The following ROBO2 variants were observed in gnomAD, a reference collection of about 807,000 sequenced individuals.
The protein encoded by ROBO2 is roundabout guidance receptor 2.
A neutral mutation model predicts 160.8 loss-of-function variants in ROBO2; 53 were observed. The ratio of observed to expected loss-of-function variants is 0.33; its 90% confidence interval spans 0.26 to 0.41. The LOEUF is 0.41. ROBO2 is among the 10% of genes least tolerant of loss of function. The pLI is 1.00. For synonymous variants in ROBO2, 664 were observed against 611.7 expected, an observed-to-expected ratio of 1.09 and a Z score of -1.26; for missense variants, 1,577 against 1,722.4, an observed-to-expected ratio of 0.92 and a Z score of 1.49.
intron 2 of ROBO2, among the ~76,000 whole-genome samples, chr3:77,350,830 C>T (rs764125152): frequency 2.3e-4 from 35 of 152,084 alleles, no homozygotes; most frequent in Non-Finnish European, 4.1e-4. Flanking sequence ...ACAAGAGAGG[C>T]CCAGAAGAGG....
intron 2 of ROBO2, among the ~76,000 whole-genome samples, chr3:76,936,294 G>A (rs1033347242): frequency 2.6e-5 from 4 of 151,922 alleles, no homozygotes; most frequent in South Asian, 2.1e-4. Flanking sequence ...ATAATGTGAA[G>A]ATCTATATCA....
At chr3:77,627,083 G>T (rs2095043057) in intron 23 of ROBO2, among the ~76,000 whole-genome samples, 1 of 152,090 alleles carries the variant, frequency 6.6e-6, no homozygotes, top group South Asian at 2.1e-4. Flanking sequence ...TAATTTCTTA[G>T]ACTACTTTTA....
chr3:76,156,158 C>T (rs2106883423), intron 2 of ROBO2, among the ~76,000 whole-genome samples: 1 of 152,028 alleles, frequency 6.6e-6, no homozygotes, highest in South Asian at 2.1e-4. Flanking sequence ...TGAATCAGAA[C>T]ATCGTAAGTG....
intron 2 of ROBO2, among the ~76,000 whole-genome samples, chr3:77,007,080 T>C (rs947842416): frequency 6.6e-6 from 1 of 152,036 alleles, no homozygotes; most frequent in African/African-American, 2.4e-5. Context: ...AAGACTCTTA[T>C]GAGAGGAAAG....
intron 2 of ROBO2, among the ~76,000 whole-genome samples, chr3:76,345,729 G>C (rs931518728): frequency 6.6e-6 from 1 of 151,898 alleles, no homozygotes; most frequent in Non-Finnish European, 1.5e-5. Flanking sequence ...GACCATCACA[G>C]AACATAAAGA....
At chr3:77,171,336 G>T (rs1345940336) in intron 2 of ROBO2, among the ~76,000 whole-genome samples, 1 of 152,176 alleles carries the variant, frequency 6.6e-6, no homozygotes, top group Non-Finnish European at 1.5e-5. Context: ...TTTACCACTG[G>T]GGTAACATGC....
chr3:76,005,174 A>T (rs1333716918), intron 2 of ROBO2, among the ~76,000 whole-genome samples: 2 of 152,158 alleles, frequency 1.3e-5, no homozygotes, highest in Non-Finnish European at 2.9e-5. Flanking sequence ...CTTATATTCC[A>T]TTATAGCAGC....
intron 1 of ROBO2, among the ~76,000 whole-genome samples, chr3:75,922,666 G>A (rs1048155389): frequency 7.9e-5 from 12 of 151,836 alleles, no homozygotes; most frequent in African/African-American, 2.4e-4. Context: ...TTATTGATAC[G>A]GAGTTAATAT....
chr3:77,525,824 C>T lies in ROBO2; in HGVS notation c.934+2922C>T, dbSNP rs554977388. On this transcript the variant is annotated intron_variant, in intron 6 of 25. Transcript: ENST00000461745. ...TTTTGTCAATATCCTACACTCAAAA[C>T]GCCTTTTTGTTTCTGAAGGAAACAT... is the stretch of plus-strand genomic sequence containing the variant. 1.1e-4 allele frequency among the ~76,000 whole-genome samples: 17 copies of T among 148,822 alleles called. 1 individual carries two copies. Among genetic ancestry groups the T allele is most frequent in the African/African-American group, 3.7e-4 (15 of 40,650 alleles).
At chr3:77,358,151 T>A (rs1357586746) in intron 2 of ROBO2, among the ~76,000 whole-genome samples, 2 of 152,188 alleles carry the variant, frequency 1.3e-5, no homozygotes, top group African/African-American at 4.8e-5. Flanking sequence ...GTCAGAATAA[T>A]TCTGGAGTCT....
chr3:77,419,184 A>T (rs2077503184), intron 2 of ROBO2, among the ~76,000 whole-genome samples: 1 of 152,106 alleles, frequency 6.6e-6, no homozygotes, highest in Admixed American at 6.6e-5. Flanking sequence ...GTCTGGTTTA[A>T]GTAATGTCCT....
chr3:77,592,198 G>T (rs1209840499), intron 17 of ROBO2, among the ~76,000 whole-genome samples: 1 of 152,112 alleles, frequency 6.6e-6, no homozygotes, highest in Non-Finnish European at 1.5e-5. Flanking sequence ...TTTAGATTGT[G>T]TACTAAATTG....
At chr3:76,069,871 T>C (rs1468583709) in intron 2 of ROBO2, among the ~76,000 whole-genome samples, 5 of 152,170 alleles carry the variant, frequency 3.3e-5, no homozygotes, top group African/African-American at 9.7e-5. Flanking sequence ...TATGGACATT[T>C]ATTGGTTCCC....
chr3:76,184,582 T>G (rs570174067), intron 2 of ROBO2, among the ~76,000 whole-genome samples: 1 of 147,748 alleles, frequency 6.8e-6, no homozygotes, highest in East Asian at 2.5e-4. Flanking sequence ...GATAGATAGA[T>G]AGATAGATAG....
At chr3:77,108,078 C>T (rs1214464323) in intron 2 of ROBO2, among the ~76,000 whole-genome samples, 1 of 151,342 alleles carries the variant, frequency 6.6e-6, no homozygotes, top group Admixed American at 6.6e-5. Flanking sequence ...ATAAATCCAC[C>T]TACCTCATTT....
chr3:76,746,521 C>T (rs1203654942), intron 2 of ROBO2, among the ~76,000 whole-genome samples: 1 of 152,160 alleles, frequency 6.6e-6, no homozygotes, highest in South Asian at 2.1e-4. Context: ...TTAATGATTG[C>T]CATTCTAATT....
At chr3:76,945,149 A>G (rs1229771150) in intron 2 of ROBO2, among the ~76,000 whole-genome samples, 4 of 152,194 alleles carry the variant, frequency 2.6e-5, no homozygotes, top group Admixed American at 6.5e-5. Flanking sequence ...CCGCCTCCCA[A>G]TGTGCTGGCT....
chr3:77,282,904 C>A, intron 2 of ROBO2, among the ~76,000 whole-genome samples: 1 of 150,322 alleles, frequency 6.7e-6, no homozygotes. Context: ...GAATAAATAT[C>A]TAATTATTGG....
chr3:77,606,045 A>C (rs182945949), intron 20 of ROBO2, among the ~76,000 whole-genome samples: 10 of 152,304 alleles, frequency 6.6e-5, no homozygotes, highest in Admixed American at 4.6e-4. Context: ...GAAACAAAGG[A>C]TTAAGGTTCA....
Sources: allele counts gnomAD v4.1 joint callset (sites outside exome capture counted in the v4.1 genomes callset), GRCh38; gene constraint gnomAD v4.1.1; transcripts MANE v1.5; gene names NCBI Gene and HGNC (gene_info 2026-07-23, HGNC 2026-07-21).